The following CYGB variants were observed in gnomAD, a reference collection of about 807,000 sequenced individuals.
The protein encoded by CYGB is cytoglobin, also known as histoglobin.
In CYGB, 13 loss-of-function variants were observed where a neutral mutation model predicts 20.7. That is an observed-to-expected ratio of 0.63 (90% CI 0.41 to 1.00). CYGB has a LOEUF of 1.00. Ranked by LOEUF, CYGB falls within the 50% of genes least tolerant of loss-of-function variation. The probability of loss-of-function intolerance (pLI) is 0.00; values close to 1 mark genes in which losing one functional copy is unlikely to be tolerated. For missense variants in CYGB, 218 were observed against 257.2 expected, an observed-to-expected ratio of 0.85 and a Z score of 1.04; for synonymous variants, 93 against 107.4, an observed-to-expected ratio of 0.87 and a Z score of 0.83.
chr17:76,542,731 G>A, intron 1 of CYGB: 2 of 783,194 alleles, frequency 2.6e-6, no homozygotes, highest in Non-Finnish European at 2.2e-6. Context: ...ATAGCAGGCA[G>A]TGTTCAGCTC....
chr17:76,536,896 C>T (rs1001683357), intron 1 of CYGB, among the ~76,000 whole-genome samples: 29 of 152,206 alleles, frequency 1.9e-4, no homozygotes, highest in African/African-American at 6.8e-4. Context: ...CCCCCGGGCT[C>T]TCCTCTTTCT....
In CYGB at chr17:76,529,556, T is replaced by TA. The variant is rs112338038; in HGVS notation, c.540-946dup. 4.5e-3 allele frequency: 4,434 copies of TA among 985,318 alleles called. 165 individuals are homozygous for TA. The African/African-American group carries it at 0.071, about 16-fold the overall frequency. The allele number at this position is 985,318 out of a possible 1,614,324, so 61.0% of individuals were successfully genotyped here. A position where few individuals can be genotyped will look rare whatever the true frequency, so the allele number is the denominator to read the frequency against. ...TCTTTCCAGTCTCTCTTGGCCCTTG[T>TA]AAAAAAGCCCTTTTCTCTGGAAGCA... On this transcript the variant is annotated intron_variant, in intron 3 of 3. Transcript: ENST00000293230.
At chr17:76,538,844 G>C (rs1387650258), upstream of CYGB, among the ~76,000 whole-genome samples, 2 of 152,262 alleles carry the variant, frequency 1.3e-5, no homozygotes, top group Admixed American at 6.5e-5. Context: ...CAGGCTCCCG[G>C]CGACCCCTGT....
chr17:76,536,334 G>A (rs2074913551), intron 1 of CYGB, among the ~76,000 whole-genome samples: 1 of 152,154 alleles, frequency 6.6e-6, no homozygotes, highest in African/African-American at 2.4e-5. Context: ...AGCAGGCCTG[G>A]TAGTCAAGGA....
Position 76,528,556 on chromosome 17 carries a change from G to T in CYGB, c.*22C>A. The T allele has an allele frequency of 7.8e-7, 1 of 1,289,340 alleles. No individual in the cohort carries two copies. Among genetic ancestry groups the T allele is most frequent in the Non-Finnish European group, 9.9e-7 (1 of 1,010,542 alleles). 79.9% of individuals were successfully genotyped at this position (1,289,340 alleles called of 1,614,324 possible). On this transcript the variant is annotated 3_prime_UTR_variant, in exon 4 of 4. Coordinates refer to ENST00000293230, the MANE Select transcript of CYGB (RefSeq NM_134268.5). This position sits in a 1 kb window ranked among gnomAD's most constrained non-coding sequence, Gnocchi z 5.8. ...GCCTTCTGCTCGAGGTGCTGCCAGG[G>T]AGGGGGGTGGAGTTAGGGGTCCTAC...
upstream of CYGB, chr17:76,540,259 GGGGGCATGGGGCT>G: frequency 9.7e-7 from 1 of 1,026,674 alleles, no homozygotes; most frequent in Non-Finnish European, 1.5e-6. This position sits in a 1 kb window ranked among gnomAD's most constrained non-coding sequence, Gnocchi z 5.0. Context: ...GTCGGGGGGG[GGGGGCATGGGGCT>G]GGGCTGCCAC....
At position 76,527,585 on chromosome 17, in the gene CYGB, AAT is replaced by A. The variant is rs1412315652; in HGVS notation, c.*991_*992del. The A allele has an allele frequency of 2.2e-6, 1 of 452,022 alleles. No individual in the cohort carries two copies. The highest frequency in any genetic ancestry group is 2.4e-5 in the Admixed American group (1 of 42,516). 28.0% of individuals were successfully genotyped at this position (452,022 alleles called of 1,614,324 possible). ...CCCCCTGGCAAGCCTGACGCAGATG[AAT>A]AGACAGGGCCGACTGCCGGCCAGGA... On this transcript the variant is annotated 3_prime_UTR_variant, in exon 4 of 4. Transcript: ENST00000293230.
rs2143075057 is a variant in CYGB, at chr17:76,530,278, T to C, written c.539+701A>G. ...CCCTTGGGGGCCCAGGGAGGCCGAG[T>C]GTTCCCAACCGCCACATCTGGGGGC... is the stretch of plus-strand genomic sequence containing the variant. On this transcript the variant is annotated intron_variant, in intron 3 of 3. Transcript: ENST00000293230. The surrounding 1 kb of genome is among the most constrained non-coding windows in gnomAD (Gnocchi z 6.1). 6.6e-6 allele frequency among the ~76,000 whole-genome samples: 1 copy of C among 151,526 alleles called. No homozygotes were observed. The highest frequency in any genetic ancestry group is 6.6e-5 in the Admixed American group (1 of 15,224).
chr17:76,547,718 CACAT>C (rs2075066520), intron 1 of CYGB, among the ~76,000 whole-genome samples: 3 of 150,168 alleles, frequency 2.0e-5, no homozygotes, highest in Non-Finnish European at 4.4e-5. Context: ...CACACAGAGA[CACAT>C]ACATTCACAC....
chr17:76,544,470 C>G (rs1382328059), intron 1 of CYGB: 1 of 455,386 alleles, frequency 2.2e-6, no homozygotes, highest in African/African-American at 2.0e-5. Context: ...CCTCGGGGAG[C>G]CTGGCTGGGG....
chr17:76,532,506 C>A (rs1161835751), intron 1 of CYGB, among the ~76,000 whole-genome samples: 1 of 151,290 alleles, frequency 6.6e-6, no homozygotes, highest in East Asian at 1.9e-4. Flanking sequence ...AGCTGGGGCC[C>A]TGCAGTGTGA....
In CYGB at chr17:76,530,323, C is replaced by T. The variant is rs537498737; in HGVS notation, c.539+656G>A. On this transcript the variant is annotated intron_variant, in intron 3 of 3. Transcript: ENST00000293230. The surrounding 1 kb of genome is among the most constrained non-coding windows in gnomAD (Gnocchi z 6.1). ...GGGGGCTAGCCCTCCCCTCACGCTCCGAGTCAGCAGGAGTCACAGAGGGCG... is the reference window on the plus strand; with the variant it reads ...GGGGGCTAGCCCTCCCCTCACGCTCTGAGTCAGCAGGAGTCACAGAGGGCG... 3.3e-5 allele frequency among the ~76,000 whole-genome samples: 5 copies of T among 152,200 alleles called. No individual in the cohort carries two copies. Among genetic ancestry groups the T allele is most frequent in the East Asian group, 1.9e-4 (1 of 5,166 alleles).
At chr17:76,544,696 A>T (rs747782076) in intron 1 of CYGB, 1 of 456,772 alleles carries the variant, frequency 2.2e-6, no homozygotes, top group South Asian at 1.5e-5. Context: ...GCTGAGGGCC[A>T]GAGGGCACTG....
chr17:76,544,022 C>T (rs1428411692), intron 1 of CYGB: 1 of 455,544 alleles, frequency 2.2e-6, no homozygotes, highest in Non-Finnish European at 4.4e-6. Context: ...TGCTGATGCT[C>T]AGTCCCGGCG....
chr17:76,542,715 G>T (rs1274516532), intron 1 of CYGB: 1 of 867,498 alleles, frequency 1.2e-6, no homozygotes, highest in Non-Finnish European at 1.9e-6. Context: ...CCGGCCATGT[G>T]GGAGGATAGC....
chr17:76,547,227 G>A (rs2075060700), intron 1 of CYGB: 1 of 152,270 alleles, frequency 6.6e-6, no homozygotes, highest in Non-Finnish European at 1.5e-5. Flanking sequence ...GGAAGGATGT[G>A]GTGGCCTCTG....
chr17:76,542,051 T>G (rs1834417949), upstream of CYGB, among the ~76,000 whole-genome samples: 2 of 152,168 alleles, frequency 1.3e-5, no homozygotes, highest in Non-Finnish European at 2.9e-5. Context: ...GGACATGTGT[T>G]TTTAATCTTT....
In CYGB at chr17:76,537,607, C is replaced by A; in HGVS notation, c.-65G>T. The stretch of plus-strand genomic sequence containing the variant: ...CGGTGGCGGGGCGCGGGGCGCGGGG[C>A]GCGGGGCGCCGGGAGCCGGGGCCGG... On this transcript the variant is annotated 5_prime_UTR_variant, in exon 1 of 4. Coordinates refer to ENST00000293230, the MANE Select transcript of CYGB (RefSeq NM_134268.5). 6 of 1,034,146 alleles carry A rather than the reference C, an allele frequency of 5.8e-6. No homozygotes were observed. The South Asian group carries it at 1.8e-4, about 31-fold the overall frequency. The allele number at this position is 1,034,146 out of a possible 1,614,324, so 64.1% of individuals were successfully genotyped here.
At chr17:76,537,267 C>G (rs2074927297) in intron 1 of CYGB, 133 bp downstream of exon 1, 2 of 1,092,160 alleles carry the variant, frequency 1.8e-6, no homozygotes, top group Non-Finnish European at 2.4e-6. Flanking sequence ...CCGCCTGCTC[C>G]GCCGACCTCG....
Sources: allele counts gnomAD v4.1 joint callset (sites outside exome capture counted in the v4.1 genomes callset), GRCh38; gene constraint gnomAD v4.1.1; non-coding constraint Gnocchi (gnomAD v3.1); transcripts MANE v1.5; gene names NCBI Gene and HGNC (gene_info 2026-07-23, HGNC 2026-07-21).